The following FAH variants were observed in gnomAD, a reference collection of about 807,000 sequenced individuals.
FAH encodes fumarylacetoacetase.
A neutral mutation model predicts 55.8 loss-of-function variants in FAH; 47 were observed. The observed-to-expected ratio is 0.84, with a 90% CI of 0.67 to 1.07. The LOEUF is 1.07. Ranked by LOEUF, FAH falls within the 50% of genes least tolerant of loss-of-function variation. FAH has a pLI of 0.00. For missense variants in FAH, 495 were observed against 545.9 expected (o/e 0.91, Z 0.93); for synonymous variants, 199 against 207.7 (o/e 0.96, Z 0.36).
At position 80,172,929 on chromosome 15, in the gene FAH, T is replaced by G. The variant is rs996848590; in HGVS notation, c.707-85T>G. ...TGGAGATGGCAGTGCTAGGTGTCTCTGCTCCTTGGTCAAGGGCAGGAGGGG... is the reference window on the plus strand; with the variant it reads ...TGGAGATGGCAGTGCTAGGTGTCTCGGCTCCTTGGTCAAGGGCAGGAGGGG... On this transcript the variant is annotated intron_variant, in intron 8 of 13. Coordinates refer to ENST00000561421, the MANE Select transcript of FAH (RefSeq NM_000137.4). 61 of 1,584,088 alleles carry G rather than the reference T, an allele frequency of 3.9e-5. No individual in the cohort carries two copies. In the African/African-American group the frequency reaches 6.6e-4, roughly 17 times the overall value.
At chr15:80,161,888 A>G (rs1477749254) in intron 4 of FAH, among the ~76,000 whole-genome samples, 2 of 152,194 alleles carry the variant, frequency 1.3e-5, no homozygotes, top group South Asian at 2.1e-4. Flanking sequence ...GGAGAAGTCA[A>G]TCAGTATAGG....
chr15:80,153,234 G>T, intron 1 of FAH, 99 bp downstream of exon 1: 1 of 926,182 alleles, frequency 1.1e-6, no homozygotes, highest in East Asian at 2.4e-5. Flanking sequence ...AATGAGGGGC[G>T]GGATGGAGGC....
intron 1 of FAH, among the ~76,000 whole-genome samples, chr15:80,154,591 C>T (rs2041082465): frequency 6.6e-6 from 1 of 152,254 alleles, no homozygotes; most frequent in African/African-American, 2.4e-5. Context: ...GACATTCCAA[C>T]CGTGATGGCT....
intron 7 of FAH, among the ~76,000 whole-genome samples, chr15:80,171,198 G>A (rs910984918): frequency 1.3e-5 from 2 of 151,860 alleles, no homozygotes; most frequent in African/African-American, 4.8e-5. Flanking sequence ...CACCCATTAA[G>A]TCGTCATTTA....
intron 10 of FAH, among the ~76,000 whole-genome samples, chr15:80,176,483 A>C (rs920031822): frequency 8.5e-5 from 13 of 152,306 alleles, no homozygotes; most frequent in Admixed American, 2.6e-4. Flanking sequence ...ATGGAGAAAG[A>C]GCTGTCACAG....
chr15:80,176,652 G>A (rs913243890), intron 10 of FAH, among the ~76,000 whole-genome samples: 6 of 152,234 alleles, frequency 3.9e-5, no homozygotes, highest in Non-Finnish European at 5.9e-5. Context: ...TGTGTCACAA[G>A]TTCTAGGTTG....
In FAH at chr15:80,175,085, C is replaced by T. The variant is rs759733302; in HGVS notation, c.907C>T (p.Leu303=). ...ATTTGACATCAACCTCTCTGTTAAC[C>T]TGAAAGGTATGTTGTAGGGGGACTG... ...YTFDINLSVN[L]KGEGMSQAAT... Residue 303 remains leucine (L), a synonymous_variant, in exon 10 of 14, where the codon CTG becomes TTG. Coordinates refer to ENST00000561421, the MANE Select transcript of FAH (RefSeq NM_000137.4). 1.2e-6 allele frequency: 2 copies of T among 1,613,956 alleles called. No individual in the cohort carries two copies. The highest frequency in any genetic ancestry group is 1.7e-6 in the Non-Finnish European group (2 of 1,179,810).
At chr15:80,159,911 G>A in intron 3 of FAH, 34 bp downstream of exon 3, 2 of 1,611,112 alleles carry the variant, frequency 1.2e-6, no homozygotes, top group Non-Finnish European at 1.7e-6. Flanking sequence ...GGGATGAGGG[G>A]ATGCAGCAGG....
At chr15:80,178,593 T>TC (rs1476650864) in intron 11 of FAH, among the ~76,000 whole-genome samples, 2 of 151,676 alleles carry the variant, frequency 1.3e-5, no homozygotes, top group East Asian at 3.9e-4. Context: ...CTTAATTTTT[T>TC]TTTTTTTTTG....
Position 80,186,270 on chromosome 15 carries a change from G to T in FAH, c.*61G>T. 7.1e-7 allele frequency: 1 copy of T among 1,403,896 alleles called. No individual in the cohort carries two copies. Among genetic ancestry groups the T allele is most frequent in the Non-Finnish European group, 1.0e-6 (1 of 988,168 alleles). 87.0% of individuals were successfully genotyped at this position (1,403,896 alleles called of 1,614,324 possible). On this transcript the variant is annotated 3_prime_UTR_variant, in exon 14 of 14. Coordinates refer to ENST00000561421, the MANE Select transcript of FAH (RefSeq NM_000137.4). ...GCACCCCTTTCAACCCTGTGACTGG[G>T]GTCCTCCCTCGGGCTGTAGGCCTGG...
At chr15:80,172,321 C>A in intron 8 of FAH, 73 bp downstream of exon 8, 1 of 1,147,690 alleles carries the variant, frequency 8.7e-7, no homozygotes, top group Non-Finnish European at 1.3e-6. Flanking sequence ...TTCATAGAAG[C>A]TGAAGATCTG....
At chr15:80,162,517 G>T in intron 5 of FAH, 181 bp downstream of exon 5, 1 of 672,084 alleles carries the variant, frequency 1.5e-6, no homozygotes, top group South Asian at 1.6e-5. Flanking sequence ...GCTTGGCTTA[G>T]GACTTGCTGT....
chr15:80,176,764 G>A (rs2041288031), intron 10 of FAH, among the ~76,000 whole-genome samples: 1 of 152,254 alleles, frequency 6.6e-6, no homozygotes, highest in Admixed American at 6.5e-5. Context: ...CCCGGGGGAG[G>A]CCACTGGTAG....
At chr15:80,185,550 G>A (rs2041363188) in intron 13 of FAH, among the ~76,000 whole-genome samples, 1 of 152,280 alleles carries the variant, frequency 6.6e-6, no homozygotes, top group East Asian at 1.9e-4. Context: ...CCTGAGACTG[G>A]GTAATTCATA....
intron 7 of FAH, among the ~76,000 whole-genome samples, chr15:80,170,474 C>T (rs1453114494): frequency 6.6e-6 from 1 of 152,246 alleles, no homozygotes; most frequent in Non-Finnish European, 1.5e-5. Context: ...TGAGTGGGCA[C>T]TGCCGAATAG....
chr15:80,180,737 A>G (rs751607277), intron 12 of FAH, among the ~76,000 whole-genome samples: 4 of 152,070 alleles, frequency 2.6e-5, no homozygotes, highest in Non-Finnish European at 4.4e-5. Flanking sequence ...ATCTGGGCAA[A>G]CTGCAGCCTC....
Position 80,181,081 on chromosome 15 carries a change from A to G in FAH, c.1102A>G (p.Lys368Glu). 6.2e-7 allele frequency: 1 copy of G among 1,613,906 alleles called. No homozygotes were observed. Among genetic ancestry groups the G allele is most frequent in the Non-Finnish European group, 8.5e-7 (1 of 1,179,834 alleles). The change falls in exon 13 of 14, where the codon AAG (lysine) becomes GAG (glutamate). Residue 368 changes from lysine to glutamate, a missense_variant. Physicochemically the swap from Lys to Glu is moderately conservative, Grantham distance 56. Transcript: ENST00000561421. ...NFGSMLELSW[K>E]GTKPIDLGNG... Reference sequence around the variant, plus strand: ...CGGCTCCATGTTGGAACTGTCGTGGAAGGGAACGAAGCCCATAGACCTGGG... The same window carrying G: ...CGGCTCCATGTTGGAACTGTCGTGGGAGGGAACGAAGCCCATAGACCTGGG...
chr15:80,158,438 C>T (rs1225185800), intron 2 of FAH, among the ~76,000 whole-genome samples: 1 of 152,156 alleles, frequency 6.6e-6, no homozygotes, highest in Non-Finnish European at 1.5e-5. Context: ...TCCTAGTTGT[C>T]TATGAGATGA....
At chr15:80,164,613 A>G (rs780966185) in intron 5 of FAH, among the ~76,000 whole-genome samples, 9 of 152,212 alleles carry the variant, frequency 5.9e-5, no homozygotes, top group Non-Finnish European at 1.0e-4. Context: ...ATGAGCATAG[A>G]GAAAGGCAAA....
Sources: allele counts gnomAD v4.1 joint callset (sites outside exome capture counted in the v4.1 genomes callset), GRCh38; gene constraint gnomAD v4.1.1; transcripts MANE v1.5; gene names NCBI Gene and HGNC (gene_info 2026-07-23, HGNC 2026-07-21).